The following GABRG3 variants were observed in gnomAD, a reference collection of about 807,000 sequenced individuals.
GABRG3 encodes gamma-aminobutyric acid type A receptor subunit gamma3, also known as gamma-aminobutyric acid receptor subunit gamma-3.
GABRG3 carries 25 observed loss-of-function variants against 48.8 expected under a neutral mutation model. The observed-to-expected ratio is 0.51, with a 90% CI of 0.37 to 0.72. The LOEUF (loss-of-function observed/expected upper bound fraction) is 0.72, where lower values mean the gene tolerates loss of function less well. GABRG3 is among the 30% of genes least tolerant of loss of function. The pLI, the probability that GABRG3 is intolerant of heterozygous loss-of-function variation, is 0.00. For missense variants in GABRG3, 394 were observed against 577.9 expected (o/e 0.68, Z 3.26); for synonymous variants, 227 against 217.6 (o/e 1.04, Z -0.38).
intron 5 of GABRG3, among the ~76,000 whole-genome samples, chr15:27,418,117 CAG>C (rs1887998242): frequency 1.3e-5 from 2 of 152,162 alleles, no homozygotes. Flanking sequence ...ACAGGAGAAA[CAG>C]AGGGAAGGCA....
chr15:27,065,262 G>A (rs1896718229), intron 3 of GABRG3, among the ~76,000 whole-genome samples: 4 of 152,336 alleles, frequency 2.6e-5, no homozygotes, highest in Middle Eastern at 6.8e-3. Flanking sequence ...TTTATGATCT[G>A]CACAATGAAA....
chr15:27,307,821 T>C (rs1255389758), intron 3 of GABRG3, among the ~76,000 whole-genome samples: 6 of 131,318 alleles, frequency 4.6e-5, no homozygotes, highest in Non-Finnish European at 7.9e-5. Context: ...ATATATAAAA[T>C]AAACATAAAC....
At chr15:26,994,261 G>T (rs115282820) in intron 2 of GABRG3, among the ~76,000 whole-genome samples, 82 of 151,634 alleles carry the variant, frequency 5.4e-4, no homozygotes, top group Admixed American at 7.9e-4. Context: ...GATATTCTCG[G>T]TTTTTTGCAG....
chr15:27,520,021 A>G lies in GABRG3; in HGVS notation c.762A>G (p.Gly254=), dbSNP rs1891121384. 2 of 1,582,460 alleles carry G rather than the reference A, an allele frequency of 1.3e-6. No individual in the cohort carries two copies. Among genetic ancestry groups the G allele is most frequent in the East Asian group, 2.2e-5 (1 of 44,460 alleles). The part of the protein sequence containing the change: ...TIYFELSRRM[G]YFTIQTYIPC... ...ATTTTGAATTGAGTAGAAGAATGGG[A>G]TACTTCACCATTCAGACATACATTC... is the stretch of plus-strand genomic sequence containing the variant. Residue 254 remains glycine (G), a synonymous_variant, in exon 7 of 10, where the codon GGA becomes GGG. Transcript: ENST00000615808.
intron 3 of GABRG3, among the ~76,000 whole-genome samples, chr15:27,033,298 C>T (rs1896118990): frequency 6.6e-6 from 1 of 152,116 alleles, no homozygotes. Context: ...TCTGTTTTGG[C>T]TTCTTCAGAT....
intron 6 of GABRG3, among the ~76,000 whole-genome samples, chr15:27,497,625 A>G (rs1215081627): frequency 6.6e-6 from 1 of 152,206 alleles, no homozygotes; most frequent in Non-Finnish European, 1.5e-5. Context: ...AGTTCAGAAA[A>G]GTATGTATTA....
intron 5 of GABRG3, among the ~76,000 whole-genome samples, chr15:27,359,009 G>A (rs1894936090): frequency 6.6e-6 from 1 of 152,234 alleles, no homozygotes; most frequent in African/African-American, 2.4e-5. Context: ...CGCAAGAGCC[G>A]CAGTGACACC....
chr15:27,440,187 G>A (rs1461407401), intron 5 of GABRG3, among the ~76,000 whole-genome samples: 1 of 152,102 alleles, frequency 6.6e-6, no homozygotes, highest in African/African-American at 2.4e-5. Flanking sequence ...TCCCTGACAG[G>A]GCAATGCACC....
chr15:27,066,095 G>A (rs1049111184), intron 3 of GABRG3, among the ~76,000 whole-genome samples: 3 of 152,204 alleles, frequency 2.0e-5, no homozygotes, highest in Non-Finnish European at 2.9e-5. Context: ...TGTTTGCAAT[G>A]ATTAAACATT....
At chr15:26,971,633 G>T in intron 1 of GABRG3, 45 bp downstream of exon 1, 1 of 1,513,326 alleles carries the variant, frequency 6.6e-7, no homozygotes. Context: ...CGAGCTGGGC[G>T]ACAGGGCGGC....
At chr15:27,088,852 T>C (rs1174941825) in intron 3 of GABRG3, among the ~76,000 whole-genome samples, 1 of 152,040 alleles carries the variant, frequency 6.6e-6, no homozygotes, top group East Asian at 1.9e-4. Flanking sequence ...GTGCTGCACT[T>C]TGCAGTAGAG....
At chr15:27,488,038 C>T (rs1890262452) in intron 6 of GABRG3, among the ~76,000 whole-genome samples, 2 of 152,264 alleles carry the variant, frequency 1.3e-5, no homozygotes, top group South Asian at 4.1e-4. Flanking sequence ...TAGAATGCGC[C>T]AGGAGAAACC....
chr15:27,464,042 C>T (rs1007794758), intron 5 of GABRG3, among the ~76,000 whole-genome samples: 4 of 152,130 alleles, frequency 2.6e-5, no homozygotes, highest in Admixed American at 2.6e-4. Flanking sequence ...GGAGCACCAG[C>T]ACTCCGCATT....
intron 3 of GABRG3, among the ~76,000 whole-genome samples, chr15:27,194,704 CATG>C (rs999997296): frequency 2.0e-5 from 3 of 152,048 alleles, no homozygotes; most frequent in Non-Finnish European, 2.9e-5. Flanking sequence ...CCTTATTTTT[CATG>C]ATGATATTTC....
At chr15:27,295,811 G>A (rs1024924796) in intron 3 of GABRG3, among the ~76,000 whole-genome samples, 1 of 152,122 alleles carries the variant, frequency 6.6e-6, no homozygotes, top group Non-Finnish European at 1.5e-5. Flanking sequence ...TGCACCCTGA[G>A]TCCCACTCCT....
chr15:27,429,298 T>A (rs1189942223), intron 5 of GABRG3, among the ~76,000 whole-genome samples: 1 of 152,198 alleles, frequency 6.6e-6, no homozygotes, highest in Non-Finnish European at 1.5e-5. Flanking sequence ...GACAATATAT[T>A]CATGATTGAC....
intron 5 of GABRG3, among the ~76,000 whole-genome samples, chr15:27,346,445 G>T (rs1428757038): frequency 6.6e-6 from 1 of 152,096 alleles, no homozygotes; most frequent in East Asian, 1.9e-4. Context: ...CTTTAATCAT[G>T]GTGTTATCTG....
chr15:27,414,935 C>T (rs976369841), intron 5 of GABRG3, among the ~76,000 whole-genome samples: 17 of 152,124 alleles, frequency 1.1e-4, no homozygotes, highest in African/African-American at 2.7e-4. Context: ...CTTTGATTTT[C>T]GGGAGTGTGA....
At chr15:27,273,675 G>T (rs1347483323) in intron 3 of GABRG3, among the ~76,000 whole-genome samples, 1 of 152,220 alleles carries the variant, frequency 6.6e-6, no homozygotes, top group African/African-American at 2.4e-5. Flanking sequence ...AGGATTATCT[G>T]CCTAGTCAGC....
Sources: gnomAD v4.1 joint callset for allele counts (sites outside exome capture counted in the v4.1 genomes callset) on GRCh38, gnomAD v4.1.1 for gene constraint, MANE v1.5 for transcripts, NCBI Gene and HGNC (gene_info 2026-07-23, HGNC 2026-07-21) for gene names.